Variants in DNAJC6 observed in about 807,000 individuals in gnomAD.
DNAJC6 encodes the protein DnaJ heat shock protein family (Hsp40) member C6, also known as auxilin.
DNAJC6 carries 34 observed loss-of-function variants against 110.0 expected under a neutral mutation model. The ratio of observed to expected loss-of-function variants is 0.31; its 90% CI spans 0.24 to 0.41. The LOEUF (loss-of-function observed/expected upper bound fraction) is 0.41. Ranked by LOEUF, DNAJC6 falls within the 10% of genes least tolerant of loss-of-function variation. The pLI, the probability that DNAJC6 is intolerant of heterozygous loss-of-function variation, is 1.00. For missense variants in DNAJC6, 1,031 were observed against 1,207.8 expected (o/e 0.85, Z 2.17); for synonymous variants, 406 against 437.2 (o/e 0.93, Z 0.89).
chr1:65,335,338 T>C (rs1271791994), intron 1 of DNAJC6, among the ~76,000 whole-genome samples: 1 of 151,526 alleles, frequency 6.6e-6, no homozygotes, highest in African/African-American at 2.4e-5. Context: ...ATGGTCTTGA[T>C]CTCCTGACTT....
Position 65,312,457 on chromosome 1 carries a change from A to G in DNAJC6, c.193+2519A>G, listed in dbSNP as rs1259002595. Reference sequence around the variant, plus strand: ...GTAAATATATCCATTTGTTTAGTATATCTAATTAAGTTCATGGATCATTTC... The same window carrying G: ...GTAAATATATCCATTTGTTTAGTATGTCTAATTAAGTTCATGGATCATTTC... On this transcript the variant is annotated intron_variant, in intron 1 of 18. Coordinates refer to ENST00000371069, the MANE Select transcript of DNAJC6 (RefSeq NM_001256864.2). 2.0e-5 allele frequency among the ~76,000 whole-genome samples: 3 copies of G among 152,214 alleles called. No homozygotes were observed. The East Asian group carries it at 5.8e-4, about 29-fold the overall frequency.
At chr1:65,296,649 G>A (rs1383256102) in intron 1 of DNAJC6, among the ~76,000 whole-genome samples, 2 of 148,396 alleles carry the variant, frequency 1.3e-5, no homozygotes, top group African/African-American at 5.0e-5. Flanking sequence ...GTGCAGTGGC[G>A]CGATCTTAGC....
Position 65,309,871 on chromosome 1 carries a change from C to A in DNAJC6, c.126C>A (p.Asn42Lys), listed in dbSNP as rs1645080945. 1 of 1,547,174 alleles carries A rather than the reference C, an allele frequency of 6.5e-7. No individual in the cohort carries two copies. The change falls in exon 1 of 19, where the codon AAC (asparagine) becomes AAA (lysine). Residue 42 changes from asparagine to lysine, a missense_variant. Asn to Lys is a moderately conservative substitution (Grantham distance 94). Coordinates refer to ENST00000371069, the MANE Select transcript of DNAJC6 (RefSeq NM_001256864.2). ...GGGTTGGCGGCAAGCAGAGAGTGAA[C>A]GCCGGGGCAGCGGCGCGGAGTCCCG... ...SGGVGGKQRVNAGAAARSPAR... is the reference protein window; with the variant it reads ...SGGVGGKQRVKAGAAARSPAR...
In DNAJC6 at chr1:65,380,423, A is replaced by G. The variant is rs565880872; in HGVS notation, c.666+899A>G. Among the ~76,000 whole-genome samples the G allele has an allele frequency of 2.6e-5, 4 of 152,362 alleles. No individual in the cohort carries two copies. In the East Asian group the frequency reaches 7.7e-4, roughly 29 times the overall value. On this transcript the variant is annotated intron_variant, in intron 5 of 18. Coordinates refer to ENST00000371069, the MANE Select transcript of DNAJC6 (RefSeq NM_001256864.2). ...GTCCTTTCTTGAGAGCCAGTTGGCT[A>G]AAACAGGAAAGAAAGTTAAAGAACA...
At chr1:65,328,736 C>T (rs924052299) in intron 1 of DNAJC6, among the ~76,000 whole-genome samples, 1 of 152,154 alleles carries the variant, frequency 6.6e-6, no homozygotes, top group African/African-American at 2.4e-5. Flanking sequence ...ATGGTGGAAC[C>T]TTAGAGTTGG....
Position 65,394,849 on chromosome 1 carries a change from G to A in DNAJC6, c.1904-49G>A, listed in dbSNP as rs745449331. The A allele has an allele frequency of 5.2e-6, 8 of 1,526,064 alleles. No individual in the cohort carries two copies. In the South Asian group the frequency reaches 9.4e-5, roughly 18 times the overall value. 94.5% of individuals were successfully genotyped at this position (1,526,064 alleles called of 1,614,324 possible). On this transcript the variant is annotated intron_variant, in intron 12 of 18. Coordinates refer to ENST00000371069, the MANE Select transcript of DNAJC6 (RefSeq NM_001256864.2). ...GGAAGTGACAATTCTGTGACATTTAGTGAATGAACTCATGGGACAAATAAA... is the reference window on the plus strand; with the variant it reads ...GGAAGTGACAATTCTGTGACATTTAATGAATGAACTCATGGGACAAATAAA...
chr1:65,269,036 A>G (rs748607959), intron 1 of DNAJC6, among the ~76,000 whole-genome samples: 9 of 152,160 alleles, frequency 5.9e-5, no homozygotes, highest in East Asian at 3.9e-4. Flanking sequence ...GCATTTGTTT[A>G]GCAAACAAAG....
chr1:65,369,240 C>A (rs1645683030), intron 4 of DNAJC6, among the ~76,000 whole-genome samples: 1 of 152,130 alleles, frequency 6.6e-6, no homozygotes, highest in African/African-American at 2.4e-5. Flanking sequence ...CTCCTTTACC[C>A]TTAGTTGCAT....
chr1:65,358,178 C>CA (rs11285114), intron 1 of DNAJC6, among the ~76,000 whole-genome samples: 821 of 79,780 alleles, frequency 0.01, 15 homozygotes, highest in African/African-American at 0.016. Flanking sequence ...GACTCAGTCT[C>CA]AAAAAAAAAA....
chr1:65,357,952 G>A (rs2101537839), intron 1 of DNAJC6, among the ~76,000 whole-genome samples: 1 of 152,254 alleles, frequency 6.6e-6, no homozygotes, highest in African/African-American at 2.4e-5. Flanking sequence ...GCCGAGGCTG[G>A]CGGATCACTT....
At chr1:65,348,942 G>A (rs1348018740) in intron 1 of DNAJC6, among the ~76,000 whole-genome samples, 2 of 145,406 alleles carry the variant, frequency 1.4e-5, no homozygotes, top group African/African-American at 2.5e-5. Context: ...GTGTGTGCAT[G>A]TGTGTATATA....
rs193114909 is a variant in DNAJC6 at position 65,406,105 on chromosome 1, C to T, written c.2463C>T (p.Asn821=). The T allele has an allele frequency of 6.8e-5, 109 of 1,614,058 alleles. No homozygotes were observed. The East Asian group carries it at 9.8e-4, about 15-fold the overall frequency. Reference sequence around the variant, plus strand: ...TCTCAGCCATGCCTGGGGGCCAGAACGAACGTGGGAAAGGATCAAGTAATT... The same window carrying T: ...TCTCAGCCATGCCTGGGGGCCAGAATGAACGTGGGAAAGGATCAAGTAATT... ...VSFSAMPGGQ[N]ERGKGSSNLE... The change falls in exon 16 of 19, where the codon AAC becomes AAT. Residue 821 remains asparagine (N), a synonymous_variant. Coordinates refer to ENST00000371069, the MANE Select transcript of DNAJC6 (RefSeq NM_001256864.2).
chr1:65,266,837 G>C (rs1436094410), intron 1 of DNAJC6, among the ~76,000 whole-genome samples: 1 of 151,952 alleles, frequency 6.6e-6, no homozygotes, highest in Non-Finnish European at 1.5e-5. Context: ...GTTTCTCAGT[G>C]TATCAGTGTG....
At chr1:65,354,675 G>A (rs1645525475) in intron 1 of DNAJC6, among the ~76,000 whole-genome samples, 1 of 152,126 alleles carries the variant, frequency 6.6e-6, no homozygotes, top group African/African-American at 2.4e-5. Flanking sequence ...ACTCATGTGT[G>A]CACGTACAGA....
intron 1 of DNAJC6, among the ~76,000 whole-genome samples, chr1:65,311,288 GAACTCGGCGGACTGCA>G (rs1057280342): frequency 3.6e-5 from 5 of 137,544 alleles, no homozygotes; most frequent in Non-Finnish European, 6.1e-5. Context: ...GCAGGGATGC[GAACTCGGCGGACTGCA>G]AACTCCGTTT....
rs1200097290 is a variant in DNAJC6 at position 65,414,506 on chromosome 1, T to C, written c.*1481T>C. ...TGAAAAGACAATCATTTTTTGTTTT[T>C]GTTTTAACTTTCTTGTGGCAAGCTA... On this transcript the variant is annotated 3_prime_UTR_variant, in exon 19 of 19. Coordinates refer to ENST00000371069, the MANE Select transcript of DNAJC6 (RefSeq NM_001256864.2). The C allele has an allele frequency of 6.5e-6, 1 of 152,696 alleles. No individual in the cohort carries two copies. The highest frequency in any genetic ancestry group is 2.4e-5 in the African/African-American group (1 of 41,478). 9.5% of individuals were successfully genotyped at this position (152,696 alleles called of 1,614,324 possible).
chr1:65,327,373 A>C (rs1227604190), intron 1 of DNAJC6, among the ~76,000 whole-genome samples: 1 of 152,232 alleles, frequency 6.6e-6, no homozygotes, highest in Admixed American at 6.5e-5. Flanking sequence ...GAGAATATGA[A>C]TATGAACCAT....
rs183706045 is a variant in DNAJC6, at chr1:65,345,052, A to T, written c.194-19583A>T. On this transcript the variant is annotated intron_variant, in intron 1 of 18. Transcript: ENST00000371069. The stretch of plus-strand genomic sequence containing the variant: ...ATTTACTAAGTTGTAAATGTAACAG[A>T]CAGTGAGTGGGCTTTTACAGATGAT... Among the ~76,000 whole-genome samples the T allele has an allele frequency of 5.8e-3, 886 of 152,310 alleles. 10 individuals are homozygous for T. Among genetic ancestry groups the T allele is most frequent in the South Asian group, 0.042 (201 of 4,828 alleles).
At chr1:65,284,167 C>T (rs1259377274) in intron 1 of DNAJC6, among the ~76,000 whole-genome samples, 3 of 152,154 alleles carry the variant, frequency 2.0e-5, no homozygotes. Context: ...GCAGTCCTTT[C>T]CTTTACCTCA....
Sources: gnomAD v4.1 joint callset for allele counts (sites outside exome capture counted in the v4.1 genomes callset) on GRCh38, gnomAD v4.1.1 for gene constraint, MANE v1.5 for transcripts, NCBI Gene and HGNC (gene_info 2026-07-23, HGNC 2026-07-21) for gene names.